Variants in CNTNAP2 observed in about 807,000 individuals in gnomAD.
CNTNAP2 encodes the protein contactin-associated protein-like 2.
In CNTNAP2, 98 loss-of-function variants were observed where a neutral mutation model predicts 155.2. The ratio of observed to expected loss-of-function variants is 0.63; its 90% CI spans 0.54 to 0.75. The LOEUF (loss-of-function observed/expected upper bound fraction) is 0.75. Ranked by LOEUF, CNTNAP2 falls within the 30% of genes least tolerant of loss-of-function variation. CNTNAP2 has a pLI of 0.00. For synonymous variants in CNTNAP2, 651 were observed against 631.2 expected, an observed-to-expected ratio of 1.03 and a Z score of -0.47; for missense variants, 1,727 against 1,688.1, an observed-to-expected ratio of 1.02 and a Z score of -0.40.
At chr7:146,353,206 G>T (rs1021031497) in intron 1 of CNTNAP2, among the ~76,000 whole-genome samples, 1 of 152,120 alleles carries the variant, frequency 6.6e-6, no homozygotes, top group Non-Finnish European at 1.5e-5. Flanking sequence ...TCTTGTCAAT[G>T]CCGTACATAT....
chr7:147,676,473 G>A (rs1795871332), intron 13 of CNTNAP2, among the ~76,000 whole-genome samples: 1 of 151,940 alleles, frequency 6.6e-6, no homozygotes, highest in Admixed American at 6.6e-5. Context: ...CTAGGTCTAG[G>A]TAACTAACAT....
intron 2 of CNTNAP2, among the ~76,000 whole-genome samples, chr7:146,819,368 C>T (rs1041529807): frequency 1.3e-5 from 2 of 151,900 alleles, no homozygotes; most frequent in Non-Finnish European, 2.9e-5. Flanking sequence ...AGTGTGTTGC[C>T]ACATTATCTC....
chr7:148,264,742 T>C (rs975642908), intron 20 of CNTNAP2, among the ~76,000 whole-genome samples: 3 of 152,222 alleles, frequency 2.0e-5, no homozygotes, highest in African/African-American at 4.8e-5. Context: ...GTCACCAGGC[T>C]GGAGTGCAGT....
At chr7:146,239,338 G>A (rs574033685) in intron 1 of CNTNAP2, among the ~76,000 whole-genome samples, 8 of 152,132 alleles carry the variant, frequency 5.3e-5, no homozygotes, top group African/African-American at 1.2e-4. Context: ...TTAGCATTCC[G>A]TGGATAAAAA....
Position 147,297,660 on chromosome 7 carries a change from T to G in CNTNAP2, c.1349-2481T>G, listed in dbSNP as rs563899214. Among the ~76,000 whole-genome samples, 9 of 152,322 alleles carry G rather than the reference T, an allele frequency of 5.9e-5. No homozygotes were observed. The South Asian group carries it at 1.9e-3, about 32-fold the overall frequency. ...CCAAAAGGACTTTAGTCAGTACTTTTCGTGAGTTCAAAAAGAACAGAAAGC... is the reference window on the plus strand; with the variant it reads ...CCAAAAGGACTTTAGTCAGTACTTTGCGTGAGTTCAAAAAGAACAGAAAGC... On this transcript the variant is annotated intron_variant, in intron 8 of 23. Transcript: ENST00000361727.
At chr7:148,187,142 AC>A (rs1562988478) in intron 18 of CNTNAP2, among the ~76,000 whole-genome samples, 1,773 of 149,284 alleles carry the variant, frequency 0.012, 23 homozygotes, top group East Asian at 0.026. Context: ...ACACACACAC[AC>A]ACACAAACAG....
chr7:147,729,363 A>C (rs1219952333), intron 13 of CNTNAP2, among the ~76,000 whole-genome samples: 2 of 151,766 alleles, frequency 1.3e-5, no homozygotes, highest in Admixed American at 6.6e-5. Context: ...ATAAATCATC[A>C]TATCTCTAAC....
chr7:146,916,089 T>C (rs1796389129), intron 3 of CNTNAP2, among the ~76,000 whole-genome samples: 1 of 152,206 alleles, frequency 6.6e-6, no homozygotes, highest in East Asian at 1.9e-4. Flanking sequence ...GTGATTTTCA[T>C]TTTAAATTCT....
intron 1 of CNTNAP2, among the ~76,000 whole-genome samples, chr7:146,305,205 A>G (rs905846037): frequency 6.6e-6 from 1 of 151,992 alleles, no homozygotes; most frequent in African/African-American, 2.4e-5. Flanking sequence ...CTTCTTTGCG[A>G]TGGGTTCGTA....
chr7:147,457,924 C>T (rs1314423263), intron 10 of CNTNAP2, among the ~76,000 whole-genome samples: 2 of 152,016 alleles, frequency 1.3e-5, no homozygotes, highest in African/African-American at 4.8e-5. Context: ...TTTGGGTGGC[C>T]ACATCTCCTC....
intron 1 of CNTNAP2, among the ~76,000 whole-genome samples, chr7:146,397,870 G>GGTTTTTTTTTTTTTT (rs1554428065): frequency 8.5e-6 from 1 of 117,498 alleles, no homozygotes; most frequent in African/African-American, 4.6e-5. Context: ...AATTTGACAG[G>GGTTTTTTTTTTTTTT]CTTTTATTTA....
intron 1 of CNTNAP2, among the ~76,000 whole-genome samples, chr7:146,611,092 T>C (rs1352485730): frequency 6.6e-6 from 1 of 152,174 alleles, no homozygotes; most frequent in Non-Finnish European, 1.5e-5. Flanking sequence ...GCAAAGCCGT[T>C]TATGTATTTT....
At chr7:147,991,629 C>G (rs1257513543) in intron 15 of CNTNAP2, among the ~76,000 whole-genome samples, 2 of 152,046 alleles carry the variant, frequency 1.3e-5, no homozygotes, top group African/African-American at 4.8e-5. Context: ...TTTGGCAATT[C>G]TAAATTAAGA....
intron 10 of CNTNAP2, among the ~76,000 whole-genome samples, chr7:147,462,005 A>G (rs1798034046): frequency 1.3e-5 from 2 of 152,314 alleles, no homozygotes; most frequent in African/African-American, 2.4e-5. Flanking sequence ...TCAAAGTTTC[A>G]GCAATAGTCG....
chr7:147,901,072 T>C (rs1479398192), intron 13 of CNTNAP2, among the ~76,000 whole-genome samples: 2 of 152,128 alleles, frequency 1.3e-5, no homozygotes, highest in Admixed American at 6.6e-5. Flanking sequence ...CCTGGATTAA[T>C]CCACAGCACT....
intron 1 of CNTNAP2, among the ~76,000 whole-genome samples, chr7:146,449,393 G>T (rs1315121092): frequency 6.6e-6 from 1 of 151,748 alleles, no homozygotes; most frequent in East Asian, 1.9e-4. Context: ...CTGGGTTATT[G>T]GCTTCTCTCT....
At chr7:146,697,339 A>G (rs1416024595) in intron 1 of CNTNAP2, among the ~76,000 whole-genome samples, 4 of 151,892 alleles carry the variant, frequency 2.6e-5, no homozygotes, top group African/African-American at 9.7e-5. Context: ...CTGGGCTCAA[A>G]CAATTCTCCC....
chr7:146,535,122 T>TATATAA, intron 1 of CNTNAP2, among the ~76,000 whole-genome samples: 1 of 19,178 alleles, frequency 5.2e-5, no homozygotes, highest in Non-Finnish European at 6.9e-5. Flanking sequence ...ATGATATATA[T>TATATAA]CATATATAAT....
intron 13 of CNTNAP2, among the ~76,000 whole-genome samples, chr7:147,676,950 G>T (rs2116974405): frequency 6.6e-6 from 1 of 151,984 alleles, no homozygotes; most frequent in South Asian, 2.1e-4. Context: ...CTCAGCTGTT[G>T]TGAATAATGC....
Sources: gnomAD v4.1 joint callset for allele counts (sites outside exome capture counted in the v4.1 genomes callset) on GRCh38, gnomAD v4.1.1 for gene constraint, MANE v1.5 for transcripts, NCBI Gene and HGNC (gene_info 2026-07-23, HGNC 2026-07-21) for gene names.